The following TOX3 variants were observed in gnomAD, a reference collection of about 807,000 sequenced individuals.
The protein encoded by TOX3 is TOX high mobility group box family member 3.
In TOX3, 22 loss-of-function variants were observed where a neutral mutation model predicts 64.3. That is an observed-to-expected ratio of 0.34 (90% CI 0.24 to 0.49). TOX3 has a LOEUF of 0.49. Ranked by LOEUF, TOX3 falls within the 20% of genes least tolerant of loss-of-function variation. The probability of loss-of-function intolerance (pLI) is 0.99; values close to 1 mark genes in which losing one functional copy is unlikely to be tolerated. For synonymous variants in TOX3, 291 were observed against 273.6 expected, an observed-to-expected ratio of 1.06 and a Z score of -0.63; for missense variants, 661 against 714.4, an observed-to-expected ratio of 0.93 and a Z score of 0.85.
At chr16:52,547,333 G>T (rs112149573), upstream of TOX3, 26,929 of 121,898 alleles carry the variant, frequency 0.22, 3,167 homozygotes, top group Admixed American at 0.33. Flanking sequence ...CCCCCGCCGC[G>T]GCCGCCCCCT....
At position 52,540,000 on chromosome 16, in the gene TOX3, C is replaced by T. The variant is rs114151066; in HGVS notation, c.87+6637G>A. Among the ~76,000 whole-genome samples the T allele has an allele frequency of 8.6e-3, 1,306 of 152,192 alleles. 19 individuals are homozygous for T. Among genetic ancestry groups the T allele is most frequent in the African/African-American group, 0.03 (1,235 of 41,512 alleles). On this transcript the variant is annotated intron_variant, in intron 1 of 6. Coordinates refer to ENST00000219746, the MANE Select transcript of TOX3 (RefSeq NM_001080430.4). ...GGCATCCTACTCCCGGTCTCTCCTA[C>T]TCTTGCCGGGGCCTACACCATTCTA...
chr16:52,470,837 T>C (rs1961020923), intron 1 of TOX3, among the ~76,000 whole-genome samples: 1 of 152,186 alleles, frequency 6.6e-6, no homozygotes, highest in South Asian at 2.1e-4. Context: ...TGCATATCTT[T>C]TGTATCTATA....
At chr16:52,512,187 C>G (rs1342719753) in intron 1 of TOX3, among the ~76,000 whole-genome samples, 1 of 152,178 alleles carries the variant, frequency 6.6e-6, no homozygotes, top group Non-Finnish European at 1.5e-5. Flanking sequence ...AGGACATATT[C>G]TGGTAAAGAC....
chr16:52,546,594 G>A, intron 1 of TOX3, 43 bp downstream of exon 1: 1 of 1,508,708 alleles, frequency 6.6e-7, no homozygotes, highest in South Asian at 1.2e-5. Context: ...CCAGGATGGG[G>A]AGGTGGCCCC....
chr16:52,515,422 C>A (rs1261453854), intron 1 of TOX3, among the ~76,000 whole-genome samples: 1 of 152,136 alleles, frequency 6.6e-6, no homozygotes, highest in Non-Finnish European at 1.5e-5. Context: ...GTCTTATTTT[C>A]TGAGGTTACA....
intron 1 of TOX3, among the ~76,000 whole-genome samples, chr16:52,510,510 C>T (rs368321608): frequency 6.6e-6 from 1 of 152,118 alleles, no homozygotes; most frequent in South Asian, 2.1e-4. Context: ...AATCCCAGCA[C>T]TTTGGGAGGC....
At chr16:52,495,825 G>T (rs1371198820) in intron 1 of TOX3, among the ~76,000 whole-genome samples, 2 of 152,114 alleles carry the variant, frequency 1.3e-5, no homozygotes, top group African/African-American at 2.4e-5. Flanking sequence ...GGGAGGAAAA[G>T]ATCATCTATA....
chr16:52,475,068 C>T (rs1961168949), intron 1 of TOX3, among the ~76,000 whole-genome samples: 3 of 152,094 alleles, frequency 2.0e-5, no homozygotes, highest in Non-Finnish European at 4.4e-5. Flanking sequence ...CAGATGTCAC[C>T]TTCTCTCTGA....
chr16:52,510,289 T>C (rs1266922385), intron 1 of TOX3, among the ~76,000 whole-genome samples: 5 of 152,118 alleles, frequency 3.3e-5, no homozygotes, highest in Non-Finnish European at 7.4e-5. Context: ...AGACAAGACA[T>C]AATGATTAGA....
At position 52,535,464 on chromosome 16, in the gene TOX3, T is replaced by C. The variant is rs144258452; in HGVS notation, c.87+11173A>G. Among the ~76,000 whole-genome samples, 742 of 152,270 alleles carry C rather than the reference T, an allele frequency of 4.9e-3. 8 individuals are homozygous for C. Among genetic ancestry groups the C allele is most frequent in the African/African-American group, 0.017 (703 of 41,562 alleles). ...TCAAACCATGGAGGTTGACTAGAGG[T>C]CAACCTTGAGCCATAAGGATAAGGG... On this transcript the variant is annotated intron_variant, in intron 1 of 6. Transcript: ENST00000219746.
intron 1 of TOX3, among the ~76,000 whole-genome samples, chr16:52,488,890 T>C (rs1323804780): frequency 6.6e-6 from 1 of 152,102 alleles, no homozygotes; most frequent in African/African-American, 2.4e-5. Context: ...CAGCAGAGCC[T>C]CTCCAAGCAC....
rs768449574 is a variant in TOX3, at chr16:52,464,133, G to A, written c.209C>T (p.Thr70Met). 1 of 1,581,068 alleles carries A rather than the reference G, an allele frequency of 6.3e-7. No individual in the cohort carries two copies. The highest frequency in any genetic ancestry group is 1.8e-5 in the Admixed American group (1 of 54,808). ...GDEEFEIPPITPPPESDPALG... is the reference protein window; with the variant it reads ...GDEEFEIPPIMPPPESDPALG... ...GGCAGGGTCTGACTCTGGAGGAGGC[G>A]TGATTGGTGGAATTTCGAATTCCTC... Residue 70 changes from threonine (T) to methionine (M), a missense_variant, in exon 3 of 7, where the codon ACG becomes ATG. Transcript: ENST00000219746.
intron 1 of TOX3, among the ~76,000 whole-genome samples, chr16:52,496,949 AACCCCTGCAATCAAATTATCTTGCCCCT>A (rs1961865289): frequency 6.6e-6 from 1 of 152,146 alleles, no homozygotes; most frequent in Non-Finnish European, 1.5e-5. Flanking sequence ...ACAAAAACAA[AACCCCTGCAATCAAATTATCTTGCCCCT>A]AATGTAGACG....
At chr16:52,517,302 C>A (rs1962484670) in intron 1 of TOX3, among the ~76,000 whole-genome samples, 1 of 152,192 alleles carries the variant, frequency 6.6e-6, no homozygotes, top group South Asian at 2.1e-4. Flanking sequence ...GACATTCATA[C>A]AACTTTGACC....
chr16:52,536,903 A>T (rs929632112), intron 1 of TOX3, among the ~76,000 whole-genome samples: 1 of 151,160 alleles, frequency 6.6e-6, no homozygotes, highest in Admixed American at 6.6e-5. Context: ...ACATATTTAC[A>T]TATTTTATAT....
At chr16:52,483,730 G>A (rs1394961059) in intron 1 of TOX3, among the ~76,000 whole-genome samples, 4 of 151,678 alleles carry the variant, frequency 2.6e-5, no homozygotes, top group Middle Eastern at 3.4e-3. Flanking sequence ...CACCACACCC[G>A]GCTAATTTTT....
intron 1 of TOX3, among the ~76,000 whole-genome samples, chr16:52,521,129 ATC>A (rs1292057074): frequency 6.6e-6 from 1 of 152,278 alleles, no homozygotes; most frequent in East Asian, 1.9e-4. Context: ...ATGTGTCTCA[ATC>A]TCTCTGCTAA....
intron 1 of TOX3, among the ~76,000 whole-genome samples, chr16:52,529,543 A>G (rs1016671745): frequency 6.6e-6 from 1 of 152,234 alleles, no homozygotes; most frequent in Non-Finnish European, 1.5e-5. Context: ...GTAACAGGTG[A>G]ATCAAAGCAA....
chr16:52,439,177 C>T lies in TOX3; in HGVS notation c.*48G>A. 1 of 1,612,016 alleles carries T rather than the reference C, an allele frequency of 6.2e-7. No homozygotes were observed. The highest frequency in any genetic ancestry group is 8.5e-7 in the Non-Finnish European group (1 of 1,179,102). On this transcript the variant is annotated 3_prime_UTR_variant, in exon 7 of 7. Coordinates refer to ENST00000219746, the MANE Select transcript of TOX3 (RefSeq NM_001080430.4). The stretch of plus-strand genomic sequence containing the variant: ...TTTCAGCCACATATGCTTTTCCCTC[C>T]TATGCCACTCTCCTTGGTATACGCA...
Sources: gnomAD v4.1 joint callset for allele counts (sites outside exome capture counted in the v4.1 genomes callset) on GRCh38, gnomAD v4.1.1 for gene constraint, MANE v1.5 for transcripts, NCBI Gene and HGNC (gene_info 2026-07-23, HGNC 2026-07-21) for gene names.